The following USP15 variants were observed in gnomAD, a reference collection of about 807,000 sequenced individuals.
USP15 encodes ubiquitin carboxyl-terminal hydrolase 15.
A neutral mutation model predicts 127.1 loss-of-function variants in USP15; 18 were observed. The ratio of observed to expected loss-of-function variants is 0.14; its 90% CI spans 0.10 to 0.21. The LOEUF is 0.21. USP15 is among the 10% of genes least tolerant of loss of function. USP15 has a pLI of 1.00. For synonymous variants in USP15, 364 were observed against 393.7 expected (o/e 0.92, Z 0.89); for missense variants, 805 against 1,159.9 (o/e 0.69, Z 4.44).
chr12:62,382,941 G>A (rs2067034279), intron 9 of USP15, among the ~76,000 whole-genome samples: 1 of 151,800 alleles, frequency 6.6e-6, no homozygotes, highest in Admixed American at 6.6e-5. Flanking sequence ...TAAGAATTAA[G>A]GACATCTGGA....
intron 3 of USP15, among the ~76,000 whole-genome samples, chr12:62,311,624 C>CA (rs2137238012): frequency 6.6e-6 from 1 of 151,764 alleles, no homozygotes. Context: ...GTTTGCCCAT[C>CA]ACTAGATCTA....
chr12:62,262,378 A>G (rs1470480969), intron 1 of USP15, among the ~76,000 whole-genome samples: 2 of 152,246 alleles, frequency 1.3e-5, no homozygotes, highest in African/African-American at 4.8e-5. Context: ...TTGTAAGTTA[A>G]AGAACATTTA....
chr12:62,302,439 T>C (rs191765475), intron 2 of USP15, among the ~76,000 whole-genome samples: 55 of 152,332 alleles, frequency 3.6e-4, no homozygotes, highest in Middle Eastern at 3.4e-3. Flanking sequence ...TTTAAAGCAA[T>C]AGTTTATTTT....
In USP15 at chr12:62,308,726, A is replaced by C. The variant is rs112940022; in HGVS notation, c.348+5806A>C. Among the ~76,000 whole-genome samples the C allele has an allele frequency of 3.1e-3, 472 of 152,254 alleles. 1 individual carries two copies. Among genetic ancestry groups the C allele is most frequent in the African/African-American group, 9.9e-3 (410 of 41,540 alleles). On this transcript the variant is annotated intron_variant, in intron 3 of 21. Transcript: ENST00000280377. ...TTCTATTAAGTGGAATTTTTAAGCA[A>C]AATTGACCATATTCTGGGTTATCAA... is the stretch of plus-strand genomic sequence containing the variant.
intron 1 of USP15, among the ~76,000 whole-genome samples, chr12:62,269,053 G>A (rs1456286053): frequency 2.0e-5 from 3 of 151,998 alleles, no homozygotes; most frequent in South Asian, 4.1e-4. Context: ...ATGTTTTCTA[G>A]GTTCATGCAT....
intron 1 of USP15, among the ~76,000 whole-genome samples, chr12:62,270,972 A>G (rs2063334289): frequency 6.6e-6 from 1 of 152,068 alleles, no homozygotes; most frequent in Non-Finnish European, 1.5e-5. Context: ...TATGTGGTAT[A>G]GTAGTATTTG....
chr12:62,304,023 A>G (rs1479052651), intron 3 of USP15, among the ~76,000 whole-genome samples: 1 of 151,362 alleles, frequency 6.6e-6, no homozygotes, highest in Non-Finnish European at 1.5e-5. Context: ...CCTAGGATAA[A>G]GGAAAATTTG....
chr12:62,398,051 G>T (rs975085951), intron 20 of USP15, among the ~76,000 whole-genome samples: 4 of 150,806 alleles, frequency 2.7e-5, no homozygotes, highest in Non-Finnish European at 4.4e-5. Context: ...GAGTGCAGTC[G>T]CATGATATTG....
intron 8 of USP15, among the ~76,000 whole-genome samples, chr12:62,368,378 C>G (rs553419991): frequency 5.3e-5 from 8 of 152,274 alleles, no homozygotes; most frequent in Admixed American, 1.3e-4. Flanking sequence ...AATTTTCTCT[C>G]TCATTGATCT....
rs562648081 is a variant in USP15, at chr12:62,373,918, T to C, written c.916-7572T>C. 5.3e-5 allele frequency among the ~76,000 whole-genome samples: 8 copies of C among 152,086 alleles called. No individual in the cohort carries two copies. The South Asian group carries it at 1.7e-3, about 32-fold the overall frequency. ...TGATGAAGAAACAGGCCTATATTTG[T>C]AGTTTTTAATTGAAAAAGTTTACCT... On this transcript the variant is annotated intron_variant, in intron 8 of 21. Transcript: ENST00000280377.
chr12:62,300,977 A>G (rs1430566502), intron 2 of USP15, among the ~76,000 whole-genome samples: 1 of 152,160 alleles, frequency 6.6e-6, no homozygotes, highest in Non-Finnish European at 1.5e-5. Flanking sequence ...ACAATCATGT[A>G]GCAGATAAAA....
chr12:62,348,789 T>C (rs2065890724), intron 6 of USP15, among the ~76,000 whole-genome samples: 2 of 152,174 alleles, frequency 1.3e-5, no homozygotes, highest in African/African-American at 4.8e-5. Context: ...TTGCCTTAAA[T>C]TTTTAAAAAT....
Position 62,302,770 on chromosome 12 carries a change from G to A in USP15, c.218-20G>A, listed in dbSNP as rs748141318. On this transcript the variant is annotated intron_variant, in intron 2 of 21. Transcript: ENST00000280377. Reference sequence around the variant, plus strand: ...CAAAGTATTTAGAGTTAGGTATTGAGTTTATTTTTTCTTTTGCAGATGGTG... The same window carrying A: ...CAAAGTATTTAGAGTTAGGTATTGAATTTATTTTTTCTTTTGCAGATGGTG... The A allele has an allele frequency of 1.3e-6, 2 of 1,598,148 alleles. No homozygotes were observed. Among genetic ancestry groups the A allele is most frequent in the African/African-American group, 1.3e-5 (1 of 74,474 alleles).
chr12:62,409,820 T>G lies in USP15; in HGVS notation c.*5445T>G, dbSNP rs1302992513. Reference sequence around the variant, plus strand: ...TTTTAAACCTTAAACATCACCACATTTCTAATTTTTATTTAAAATCTTTCA... The same window carrying G: ...TTTTAAACCTTAAACATCACCACATGTCTAATTTTTATTTAAAATCTTTCA... On this transcript the variant is annotated 3_prime_UTR_variant, in exon 22 of 22. Coordinates refer to ENST00000280377, the MANE Select transcript of USP15 (RefSeq NM_001252078.2). The G allele has an allele frequency of 6.6e-6, 1 of 152,148 alleles. No individual in the cohort carries two copies. Among genetic ancestry groups the G allele is most frequent in the African/African-American group, 2.4e-5 (1 of 41,446 alleles). The allele number at this position is 152,148 out of a possible 1,614,324, so 9.4% of individuals were successfully genotyped here. A position where few individuals can be genotyped will look rare whatever the true frequency, so the allele number is the denominator to read the frequency against.
intron 3 of USP15, among the ~76,000 whole-genome samples, chr12:62,312,654 A>G (rs562911606): frequency 1.3e-5 from 2 of 151,766 alleles, no homozygotes; most frequent in South Asian, 2.1e-4. Flanking sequence ...ACTATCATCT[A>G]TAATACTGAA....
intron 6 of USP15, among the ~76,000 whole-genome samples, chr12:62,347,620 T>G (rs1370879603): frequency 6.6e-6 from 1 of 152,096 alleles, no homozygotes; most frequent in African/African-American, 2.4e-5. Context: ...GATATTTCCA[T>G]TTTTATTAAT....
intron 8 of USP15, among the ~76,000 whole-genome samples, chr12:62,363,602 T>A (rs2066382207): frequency 6.6e-6 from 1 of 152,086 alleles, no homozygotes; most frequent in Non-Finnish European, 1.5e-5. Flanking sequence ...CTCATAACCA[T>A]CTGGCATGTT....
At chr12:62,358,572 C>T (rs771252612) in intron 8 of USP15, among the ~76,000 whole-genome samples, 12 of 152,028 alleles carry the variant, frequency 7.9e-5, no homozygotes, top group East Asian at 3.9e-4. Context: ...AAAAATTAGC[C>T]GGGCATGATG....
chr12:62,345,523 T>G (rs964191600), intron 6 of USP15, among the ~76,000 whole-genome samples: 2 of 152,144 alleles, frequency 1.3e-5, no homozygotes, highest in Non-Finnish European at 2.9e-5. Context: ...TTTCCCACAT[T>G]TTCCTGTCTT....
Sources: gnomAD v4.1 joint callset for allele counts (sites outside exome capture counted in the v4.1 genomes callset) on GRCh38, gnomAD v4.1.1 for gene constraint, MANE v1.5 for transcripts, NCBI Gene and HGNC (gene_info 2026-07-23, HGNC 2026-07-21) for gene names.